SIGLEC11: variants seen among roughly 807,000 people sequenced by gnomAD.
The protein encoded by SIGLEC11 is sialic acid binding Ig like lectin 11, also known as sialic acid-binding Ig-like lectin 11.
SIGLEC11 carries 47 observed loss-of-function variants against 61.2 expected under a neutral mutation model. The ratio of observed to expected loss-of-function variants is 0.77; its 90% CI spans 0.61 to 0.98. SIGLEC11 has a LOEUF of 0.98. Among genes scored for constraint, SIGLEC11 ranks in the 50% least tolerant of loss-of-function variants. The pLI is 0.00. For missense variants in SIGLEC11, 610 were observed against 870.3 expected (o/e 0.70, Z 3.76); for synonymous variants, 278 against 373.1 (o/e 0.75, Z 2.94).
Position 49,949,813 on chromosome 19 carries a change from G to T in SIGLEC11, c.*157C>A. The stretch of plus-strand genomic sequence containing the variant: ...GCTGAGATTGCACCACTGGACTCTG[G>T]CCTGGAGGACAGAGTCAGACCCTGT... On this transcript the variant is annotated 3_prime_UTR_variant, in exon 11 of 11. Coordinates refer to ENST00000447370, the MANE Select transcript of SIGLEC11 (RefSeq NM_052884.3). 4.1e-6 allele frequency: 3 copies of T among 723,508 alleles called. No homozygotes were observed. Among genetic ancestry groups the T allele is most frequent in the Non-Finnish European group, 5.8e-6 (3 of 519,034 alleles). The allele number at this position is 723,508 out of a possible 1,614,324, so 44.8% of individuals were successfully genotyped here.
At chr19:49,952,426 T>A (rs2076165003) in intron 8 of SIGLEC11, 32 bp from the exon 9 acceptor site, 3 of 1,567,236 alleles carry the variant, frequency 1.9e-6, no homozygotes, top group Non-Finnish European at 2.6e-6. Context: ...GGTGGTGCCC[T>A]CCTGGCCCTG....
At position 49,955,649 on chromosome 19, in the gene SIGLEC11, AGCAG is replaced by A. The variant is rs2076190774; in HGVS notation, c.1651+2630_1651+2633del. The stretch of plus-strand genomic sequence containing the variant: ...AGCAGCCCTCATAAAAAGAAAAATT[AGCAG>A]GCCGGGCATGGCGGCTCACACCTGT... On this transcript the variant is annotated intron_variant, in intron 8 of 10. Transcript: ENST00000447370. This position sits in a 1 kb window ranked among gnomAD's most constrained non-coding sequence, Gnocchi z 4.5. Among the ~76,000 whole-genome samples, 1 of 152,166 alleles carries A rather than the reference AGCAG, an allele frequency of 6.6e-6. No homozygotes were observed. The highest frequency in any genetic ancestry group is 2.4e-5 in the African/African-American group (1 of 41,442).
chr19:49,949,991 C>A lies in SIGLEC11; in HGVS notation c.2076G>T (p.Met692Ile). 1 of 1,496,936 alleles carries A rather than the reference C, an allele frequency of 6.7e-7. No homozygotes were observed. The highest frequency in any genetic ancestry group is 8.9e-7 in the Non-Finnish European group (1 of 1,119,474). The allele number at this position is 1,496,936 out of a possible 1,614,324, so 92.7% of individuals were successfully genotyped here. Residue 692 changes from methionine (M) to isoleucine (I), a missense_variant, in exon 11 of 11, where the codon ATG (methionine) becomes ATT (isoleucine). Physicochemically the swap from Met to Ile is conservative, Grantham distance 10. Coordinates refer to ENST00000447370, the MANE Select transcript of SIGLEC11 (RefSeq NM_052884.3). ...CTCTTCACTTTGGAACCATCCCTGA[C>A]ATCTCCCTCTCCAATTGAAGCCCAA... ...PGFGLQLERE[M>I]SGMVPK
In SIGLEC11 at chr19:49,951,540, A is replaced by G. The variant is rs1210228465; in HGVS notation, c.1830+351T>C. 6.6e-6 allele frequency among the ~76,000 whole-genome samples: 1 copy of G among 152,142 alleles called. No individual in the cohort carries two copies. The highest frequency in any genetic ancestry group is 1.5e-5 in the Non-Finnish European group (1 of 68,026). ...CTTAGCTTTGTAGTAGACAATAGTC[A>G]TCTGAGGAAAGGACTCTCTGGCATC... On this transcript the variant is annotated intron_variant, in intron 10 of 10. Coordinates refer to ENST00000447370, the MANE Select transcript of SIGLEC11 (RefSeq NM_052884.3). This position sits in a 1 kb window ranked among gnomAD's most constrained non-coding sequence, Gnocchi z 4.6.
Position 49,957,034 on chromosome 19 carries a change from T to C in SIGLEC11, c.1651+1249A>G, listed in dbSNP as rs551968047. On this transcript the variant is annotated intron_variant, in intron 8 of 10. Coordinates refer to ENST00000447370, the MANE Select transcript of SIGLEC11 (RefSeq NM_052884.3). ...AAAGGGTGGTCTCCAGATTCTCTCT[T>C]TAAGGACTGGTTTTCATTTTGCAGA... Among the ~76,000 whole-genome samples the C allele has an allele frequency of 1.4e-4, 21 of 152,324 alleles. No individual in the cohort carries two copies. In the South Asian group the frequency reaches 4.3e-3, roughly 32 times the overall value.
chr19:49,953,562 C>T (rs2076174226), intron 8 of SIGLEC11, among the ~76,000 whole-genome samples: 1 of 152,162 alleles, frequency 6.6e-6, no homozygotes. Context: ...ATGAAGAAGC[C>T]TTATTAGGCT....
At position 49,950,123 on chromosome 19, in the gene SIGLEC11, G is replaced by A; in HGVS notation, c.1944C>T (p.Ser648=). 6.2e-7 allele frequency: 1 copy of A among 1,612,658 alleles called. No homozygotes were observed. The highest frequency in any genetic ancestry group is 8.5e-7 in the Non-Finnish European group (1 of 1,179,610). Residue 648 remains serine (S), a synonymous_variant, in exon 11 of 11, where the codon AGC becomes AGT. Transcript: ENST00000447370. ...EEQELHYASL[S]FQGLRLWEPA... Reference sequence around the variant, plus strand: ...GCTCCCAGAGCCTCAGGCCCTGGAAGCTGAGGGAGGCATAGTGGAGCTCCT... The same window carrying A: ...GCTCCCAGAGCCTCAGGCCCTGGAAACTGAGGGAGGCATAGTGGAGCTCCT...
chr19:49,949,820 G>T lies in SIGLEC11; in HGVS notation c.*150C>A. 2.5e-6 allele frequency: 2 copies of T among 802,734 alleles called. No individual in the cohort carries two copies. The highest frequency in any genetic ancestry group is 3.4e-6 in the Non-Finnish European group (2 of 589,624). The allele number at this position is 802,734 out of a possible 1,614,324, so 49.7% of individuals were successfully genotyped here. A position where few individuals can be genotyped will look rare whatever the true frequency, so the allele number is the denominator to read the frequency against. ...TTGCACCACTGGACTCTGGCCTGGA[G>T]GACAGAGTCAGACCCTGTCTCAAAA... On this transcript the variant is annotated 3_prime_UTR_variant, in exon 11 of 11. Transcript: ENST00000447370.
At position 49,958,666 on chromosome 19, in the gene SIGLEC11, A is replaced by G. The variant is rs545039683; in HGVS notation, c.1340T>C (p.Val447Ala). 36 of 1,603,424 alleles carry G rather than the reference A, an allele frequency of 2.2e-5. No individual in the cohort carries two copies. In the South Asian group the frequency reaches 3.8e-4, roughly 17 times the overall value. ...HAQHPLGSQH[V>A]SLSLSVHYPP... ...ACAGTGCACGGAGAGGCTGAGAGAG[A>G]CGTGCTGGGAGCCCAGAGGGTGCTG... The change falls in exon 7 of 11, where the codon GTC becomes GCC. Residue 447 changes from valine to alanine, a missense_variant. Coordinates refer to ENST00000447370, the MANE Select transcript of SIGLEC11 (RefSeq NM_052884.3).
intron 8 of SIGLEC11, among the ~76,000 whole-genome samples, chr19:49,953,899 A>G (rs77514105): frequency 6.6e-6 from 1 of 152,334 alleles, no homozygotes; most frequent in East Asian, 1.9e-4. Flanking sequence ...AGGGGATTAT[A>G]AAGTTAAGCT....
intron 8 of SIGLEC11, among the ~76,000 whole-genome samples, chr19:49,956,883 GAA>G (rs57825504): frequency 6.9e-6 from 1 of 145,898 alleles, no homozygotes; most frequent in African/African-American, 2.5e-5. Flanking sequence ...TCCTAGCCCA[GAA>G]AAAAAAAAAT....
Position 49,950,098 on chromosome 19 carries a change from G to C in SIGLEC11, c.1969C>G (p.Pro657Ala). Residue 657 changes from proline (P) to alanine (A), a missense_variant, in exon 11 of 11, where the codon CCT becomes GCT. Coordinates refer to ENST00000447370, the MANE Select transcript of SIGLEC11 (RefSeq NM_052884.3). ...LSFQGLRLWE[P>A]ADQEAPSTTE... The stretch of plus-strand genomic sequence containing the variant: ...GTGCTGGGGGCCTCCTGGTCCGCAG[G>C]CTCCCAGAGCCTCAGGCCCTGGAAG... The C allele has an allele frequency of 1.2e-6, 2 of 1,611,924 alleles. No homozygotes were observed. The highest frequency in any genetic ancestry group is 8.5e-7 in the Non-Finnish European group (1 of 1,178,754).
chr19:49,952,215 T>C, intron 9 of SIGLEC11, 83 bp downstream of exon 9: 1 of 1,416,464 alleles, frequency 7.1e-7, no homozygotes, highest in Non-Finnish European at 9.8e-7. Context: ...CTGCCCCATC[T>C]AGATTCCTGC....
At chr19:49,958,604 C>A (rs369053163) in intron 7 of SIGLEC11, 34 bp from the exon 8 acceptor site, 351 of 1,565,922 alleles carry the variant, frequency 2.2e-4, no homozygotes, top group Non-Finnish European at 2.8e-4. Flanking sequence ...CAGCAGGGGC[C>A]CCTTCCTGGG....
intron 8 of SIGLEC11, among the ~76,000 whole-genome samples, chr19:49,954,218 A>G (rs1258651300): frequency 6.6e-6 from 1 of 152,162 alleles, no homozygotes; most frequent in African/African-American, 2.4e-5. Context: ...AAAACCCCAG[A>G]AAGAGCAAGA....
rs778898328 is a variant in SIGLEC11 at position 49,960,740 on chromosome 19, T to C, written c.272A>G (p.Gln91Arg). ...GGTGCTCATTTCCACCTCTCGACTC[T>C]GGTTGTTAGTGGCCACAGGAGCACC... Reference protein sequence around the residue: ...KTGAPVATNNQSREVEMSTRD... With the variant: ...KTGAPVATNNRSREVEMSTRD... The change falls in exon 2 of 11, where the codon CAG becomes CGG. Residue 91 changes from glutamine to arginine, a missense_variant. Gln to Arg is a conservative substitution (Grantham distance 43). Around this residue, in one of 6 missense-constraint regions of SIGLEC11, gnomAD observed 99 missense variants for 131.6 expected, o/e 0.75. Coordinates refer to ENST00000447370, the MANE Select transcript of SIGLEC11 (RefSeq NM_052884.3). 6.2e-6 allele frequency: 10 copies of C among 1,613,250 alleles called. No individual in the cohort carries two copies. The South Asian group carries it at 6.6e-5, about 11-fold the overall frequency.
Position 49,949,902 on chromosome 19 carries a change from C to T in SIGLEC11, c.*68G>A, listed in dbSNP as rs2076146965. 7.5e-7 allele frequency: 1 copy of T among 1,329,310 alleles called. No homozygotes were observed. The highest frequency in any genetic ancestry group is 9.7e-7 in the Non-Finnish European group (1 of 1,028,916). 82.3% of individuals were successfully genotyped at this position (1,329,310 alleles called of 1,614,324 possible). A position where few individuals can be genotyped will look rare whatever the true frequency, so the allele number is the denominator to read the frequency against. On this transcript the variant is annotated 3_prime_UTR_variant, in exon 11 of 11. Coordinates refer to ENST00000447370, the MANE Select transcript of SIGLEC11 (RefSeq NM_052884.3). ...TGGGGATGGGGCTGAAATCTGAGTC[C>T]AGTTCTGGCCGTCACACCAGTGCGA...
Position 49,956,316 on chromosome 19 carries a change from A to G in SIGLEC11, c.1651+1967T>C, listed in dbSNP as rs552004873. Among the ~76,000 whole-genome samples, 31 of 152,332 alleles carry G rather than the reference A, an allele frequency of 2.0e-4. No individual in the cohort carries two copies. In the South Asian group the frequency reaches 3.5e-3, roughly 17 times the overall value. ...GACAGCAATATGACGATAAAACACTAAGAAACACTTTGTGGCGGGGCAAAG... is the reference window on the plus strand; with the variant it reads ...GACAGCAATATGACGATAAAACACTGAGAAACACTTTGTGGCGGGGCAAAG... On this transcript the variant is annotated intron_variant, in intron 8 of 10. Coordinates refer to ENST00000447370, the MANE Select transcript of SIGLEC11 (RefSeq NM_052884.3).
Position 49,950,000 on chromosome 19 carries a change from C to T in SIGLEC11, c.2067G>A (p.Glu689=), listed in dbSNP as rs2076148106. The change falls in exon 11 of 11, where the codon GAG becomes GAA. Residue 689 remains glutamate (E), a synonymous_variant. Coordinates refer to ENST00000447370, the MANE Select transcript of SIGLEC11 (RefSeq NM_052884.3). ...LRGPGFGLQL[E]REMSGMVPK is the part of the protein sequence containing the mutation. ...TTGGAACCATCCCTGACATCTCCCTCTCCAATTGAAGCCCAAAGCCTGGGC... is the reference window on the plus strand; with the variant it reads ...TTGGAACCATCCCTGACATCTCCCTTTCCAATTGAAGCCCAAAGCCTGGGC... 6.6e-7 allele frequency: 1 copy of T among 1,510,170 alleles called. No homozygotes were observed. Among genetic ancestry groups the T allele is most frequent in the Non-Finnish European group, 8.9e-7 (1 of 1,126,016 alleles). The allele number at this position is 1,510,170 out of a possible 1,614,324, so 93.5% of individuals were successfully genotyped here. A position where few individuals can be genotyped will look rare whatever the true frequency, so the allele number is the denominator to read the frequency against.
Sources: allele counts gnomAD v4.1 joint callset (sites outside exome capture counted in the v4.1 genomes callset), GRCh38; gene constraint gnomAD v4.1.1; regional missense constraint gnomAD v4.1.1; non-coding constraint Gnocchi (gnomAD v3.1); transcripts MANE v1.5; gene names NCBI Gene and HGNC (gene_info 2026-07-23, HGNC 2026-07-21).